CENPI: variants seen among roughly 807,000 people sequenced by gnomAD.
The protein encoded by CENPI is FSH primary response 1.
Under a neutral mutation model 60.4 loss-of-function variants are expected in CENPI, and 4 were observed. The ratio of observed to expected loss-of-function variants is 0.07; its 90% CI spans 0.03 to 0.15. CENPI has a LOEUF of 0.15. Among genes scored for constraint, CENPI ranks in the 10% least tolerant of loss-of-function variants. CENPI has a pLI of 1.00. For missense variants in CENPI, 444 were observed against 534.5 expected (o/e 0.83, Z 1.67); for synonymous variants, 157 against 189.4 (o/e 0.83, Z 1.40).
intron 4 of CENPI, among the ~76,000 whole-genome samples, chrX:101,108,738 T>G (rs1335452447): frequency 1.8e-5 from 2 of 108,550 alleles, no homozygotes; most frequent in Admixed American, 1.0e-4. Context: ...TCAACCTCCC[T>G]GGGCTCAGGT....
intron 11 of CENPI, 48 bp downstream of exon 11, chrX:101,127,713 A>T: frequency 1.0e-6 from 1 of 981,486 alleles, no homozygotes; most frequent in Non-Finnish European, 1.4e-6. Context: ...TTTGAATTTC[A>T]TGGCCTTTGT....
At chrX:101,134,968 T>G (rs1682768105) in intron 15 of CENPI, among the ~76,000 whole-genome samples, 1 of 109,143 alleles carries the variant, frequency 9.2e-6, no homozygotes, top group Non-Finnish European at 1.9e-5. Context: ...GAGCCGAGGT[T>G]GCACCACTGC....
chrX:101,162,473 A>AAAAT (rs1303045267), intron 21 of CENPI, among the ~76,000 whole-genome samples: 4 of 68,112 alleles, frequency 5.9e-5, no homozygotes, highest in African/African-American at 2.8e-4. Context: ...AAAAAAAAAA[A>AAAAT]ATATATATAT....
chrX:101,108,919 T>G (rs1459991965), intron 4 of CENPI, among the ~76,000 whole-genome samples: 13 of 111,292 alleles, frequency 1.2e-4, no homozygotes, highest in Middle Eastern at 9.3e-3. Flanking sequence ...AGTGTTAGGA[T>G]TATAGGCATG....
the CENPI span, among the ~76,000 whole-genome samples, chrX:101,178,630 C>T: frequency 3.1e-3 from 344 of 110,180 alleles, 2 homozygotes; most frequent in African/African-American, 0.011. Flanking sequence ...GGGCTGGTCC[C>T]GAACTCCTGA....
chrX:101,139,088 CTTTT>C (rs1281553958), intron 15 of CENPI, among the ~76,000 whole-genome samples: 2 of 66,952 alleles, frequency 3.0e-5, no homozygotes, highest in African/African-American at 6.8e-5. Flanking sequence ...CGCGCCCGAC[CTTTT>C]TTTTTTTTTT....
chrX:101,145,955 G>A (rs1043552861), intron 17 of CENPI, among the ~76,000 whole-genome samples, 198 bp from the exon 18 acceptor site: 44 of 109,991 alleles, frequency 4.0e-4, no homozygotes, highest in African/African-American at 1.5e-3. Flanking sequence ...TGGCCTTCTG[G>A]AAATAATCCT....
chrX:101,109,847 C>T, intron 5 of CENPI, 44 bp from the exon 6 acceptor site: 1 of 947,763 alleles, frequency 1.1e-6, no homozygotes, highest in Non-Finnish European at 1.5e-6. Flanking sequence ...CTCTTCTGTA[C>T]CAGTTATATT....
chrX:101,132,069 T>A (rs190948776), intron 13 of CENPI, 121 bp from the exon 14 acceptor site: 180 of 491,106 alleles, frequency 3.7e-4, no homozygotes, highest in Non-Finnish European at 4.9e-4. Context: ...TTTATTATAT[T>A]CATGACAAAA....
intron 18 of CENPI, among the ~76,000 whole-genome samples, chrX:101,147,218 T>G (rs2089969729): frequency 9.1e-6 from 1 of 110,445 alleles, no homozygotes; most frequent in African/African-American, 3.3e-5. Context: ...CTCTGTTAAT[T>G]TTTTTTTTAT....
Position 101,165,198 on chromosome X carries a change from A to G in CENPI, c.*2231A>G, listed in dbSNP as rs895298182. On this transcript the variant is annotated 3_prime_UTR_variant, in exon 22 of 22. Coordinates refer to ENST00000682095, the MANE Select transcript of CENPI (RefSeq NM_001386188.2). Reference sequence around the variant, plus strand: ...TAAATGGGAAGCAATTAGATTGAGAAGAGGAGTGACATAATTTGATTTACC... The same window carrying G: ...TAAATGGGAAGCAATTAGATTGAGAGGAGGAGTGACATAATTTGATTTACC... Among the ~76,000 whole-genome samples the G allele has an allele frequency of 8.9e-6, 1 of 111,943 alleles. No homozygotes were observed. The highest frequency in any genetic ancestry group is 3.2e-5 in the African/African-American group (1 of 30,794).
Position 101,165,882 on chromosome X carries a change from A to T in CENPI, c.*2915A>T, listed in dbSNP as rs7876159. Among the ~76,000 whole-genome samples, 26,522 of 111,242 alleles carry T rather than the reference A, an allele frequency of 0.24. 2,305 individuals are homozygous for T. The highest frequency in any genetic ancestry group is 0.35 in the South Asian group (930 of 2,684). ...AAGCAACTTCAGCTGCTTTTTAAGTAAATGTGATAGTTTGTACTGCAAATA... is the reference window on the plus strand; with the variant it reads ...AAGCAACTTCAGCTGCTTTTTAAGTTAATGTGATAGTTTGTACTGCAAATA... On this transcript the variant is annotated 3_prime_UTR_variant, in exon 22 of 22. Coordinates refer to ENST00000682095, the MANE Select transcript of CENPI (RefSeq NM_001386188.2).
intron 13 of CENPI, 133 bp downstream of exon 13, chrX:101,130,206 G>A: frequency 2.4e-6 from 1 of 422,476 alleles, no homozygotes; most frequent in Non-Finnish European, 4.2e-6. Flanking sequence ...GGCCAAGGCG[G>A]GTGGATCACT....
intron 4 of CENPI, 124 bp from the exon 5 acceptor site, chrX:101,109,348 TG>T: frequency 1.9e-6 from 1 of 521,986 alleles, no homozygotes; most frequent in Non-Finnish European, 3.2e-6. Flanking sequence ...CCCAAAGTGC[TG>T]GGATTACAGG....
intron 16 of CENPI, 28 bp downstream of exon 16, chrX:101,140,788 A>G: frequency 1.6e-5 from 16 of 1,007,342 alleles, no homozygotes; most frequent in Non-Finnish European, 2.3e-5. Flanking sequence ...CTTCCACAAG[A>G]GACGATCTGT....
intron 4 of CENPI, among the ~76,000 whole-genome samples, chrX:101,104,181 C>G (rs1207562076): frequency 1.8e-5 from 2 of 111,989 alleles, no homozygotes; most frequent in South Asian, 3.6e-4. Context: ...GCCATGTTGG[C>G]CAGGCTGGTC....
intron 20 of CENPI, among the ~76,000 whole-genome samples, chrX:101,151,887 C>T (rs1391327861): frequency 9.3e-6 from 1 of 107,778 alleles, no homozygotes; most frequent in Non-Finnish European, 1.9e-5. Context: ...ATATACAGTT[C>T]AAAGGCTTTT....
downstream of CENPI, among the ~76,000 whole-genome samples, chrX:101,169,417 G>C: frequency 8.9e-6 from 1 of 112,244 alleles, no homozygotes; most frequent in African/African-American, 3.2e-5. Flanking sequence ...TTATAGTGCA[G>C]CTGAAAAGTT....
the CENPI span, among the ~76,000 whole-genome samples, chrX:101,180,472 G>GT: frequency 8.9e-6 from 1 of 111,755 alleles, no homozygotes; most frequent in Non-Finnish European, 1.9e-5. Context: ...TTGTCTTTTG[G>GT]TTGTCGAGTT....
Sources: allele counts gnomAD v4.1 joint callset (sites outside exome capture counted in the v4.1 genomes callset), GRCh38; gene constraint gnomAD v4.1.1; transcripts MANE v1.5; gene names NCBI Gene and HGNC (gene_info 2026-07-23, HGNC 2026-07-21).